Variants in PAQR5 observed in about 807,000 individuals in gnomAD.
PAQR5 encodes the protein membrane progestin receptor gamma.
A neutral mutation model predicts 34.5 loss-of-function variants in PAQR5; 20 were observed. That is an observed-to-expected ratio of 0.58 (90% CI 0.41 to 0.84). PAQR5 has a LOEUF of 0.84. Ranked by LOEUF, PAQR5 falls within the 40% of genes least tolerant of loss-of-function variation. PAQR5 has a pLI of 0.00. For synonymous variants in PAQR5, 131 were observed against 155.6 expected (o/e 0.84, Z 1.18); for missense variants, 378 against 412.7 (o/e 0.92, Z 0.73).
In PAQR5 at chr15:69,338,408, C is replaced by T. The variant is rs556200354; in HGVS notation, c.-116+907C>T. ...GAATTGTACTCCTAATTGTAGAACT[C>T]GTAATGTACCTTATAGTAGGCTGTT... is the stretch of plus-strand genomic sequence containing the variant. On this transcript the variant is annotated intron_variant, in intron 2 of 8. Coordinates refer to ENST00000395407, the MANE Select transcript of PAQR5 (RefSeq NM_017705.4). 3.9e-5 allele frequency among the ~76,000 whole-genome samples: 6 copies of T among 152,292 alleles called. No individual in the cohort carries two copies. The South Asian group carries it at 1.0e-3, about 26-fold the overall frequency.
chr15:69,364,130 G>A (rs1297315909), intron 3 of PAQR5, among the ~76,000 whole-genome samples: 1 of 152,082 alleles, frequency 6.6e-6, no homozygotes, highest in African/African-American at 2.4e-5. Flanking sequence ...AAATGAAATA[G>A]AACAGTGGGA....
intron 5 of PAQR5, among the ~76,000 whole-genome samples, chr15:69,388,299 T>C (rs1200391967): frequency 1.3e-5 from 2 of 152,220 alleles, no homozygotes; most frequent in African/African-American, 4.8e-5. Flanking sequence ...AGAGGAAGTT[T>C]CCTTTCCTTA....
chr15:69,361,383 T>C (rs973392508), intron 3 of PAQR5, among the ~76,000 whole-genome samples: 1 of 152,318 alleles, frequency 6.6e-6, no homozygotes, highest in South Asian at 2.1e-4. Flanking sequence ...AATTCTTTTC[T>C]AAAGTGGGTT....
chr15:69,361,843 T>G (rs1295770424), intron 3 of PAQR5, among the ~76,000 whole-genome samples: 1 of 151,700 alleles, frequency 6.6e-6, no homozygotes, highest in Non-Finnish European at 1.5e-5. Context: ...GAAGGCTTCA[T>G]GAAGGGGGTG....
rs192237043 is a variant in PAQR5 at position 69,322,724 on chromosome 15, A to G, written c.-276-14617A>G. On this transcript the variant is annotated intron_variant, in intron 1 of 8. Transcript: ENST00000395407. ...AAGAAGAAGAAGAAGAAGAAGAAGA[A>G]GAAGAAGAAGAAGAAGAAGAAGAAG... Among the ~76,000 whole-genome samples the G allele has an allele frequency of 2.2e-3, 54 of 24,668 alleles. 6 individuals are homozygous for G. Among genetic ancestry groups the G allele is most frequent in the South Asian group, 6.1e-3 (3 of 494 alleles). The allele number at this position is 24,668 out of a possible 152,430, so 16.2% of individuals were successfully genotyped here. A position where few individuals can be genotyped will look rare whatever the true frequency, so the allele number is the denominator to read the frequency against.
intron 1 of PAQR5, among the ~76,000 whole-genome samples, chr15:69,303,464 T>G (rs2053648407): frequency 6.6e-6 from 1 of 152,056 alleles, no homozygotes; most frequent in African/African-American, 2.4e-5. Context: ...CTCCCAGGGT[T>G]GCTCTCCCAA....
chr15:69,310,074 AAACAAC>A (rs770100165), intron 1 of PAQR5, among the ~76,000 whole-genome samples: 2 of 151,904 alleles, frequency 1.3e-5, no homozygotes, highest in African/African-American at 2.4e-5. Context: ...AAACAAAACG[AAACAAC>A]AACAACAACA....
In PAQR5 at chr15:69,364,479, A is replaced by AAT. The variant is rs1491582677; in HGVS notation, c.51+4356_51+4357dup. On this transcript the variant is annotated intron_variant, in intron 3 of 8. Coordinates refer to ENST00000395407, the MANE Select transcript of PAQR5 (RefSeq NM_017705.4). ...TACATGTAATATATATTATATATGT[A>AAT]ATATATATACATTATATATGTTATA... Among the ~76,000 whole-genome samples the AAT allele has an allele frequency of 7.0e-4, 93 of 132,118 alleles. 2 individuals are homozygous for AAT. The South Asian group carries it at 0.02, about 28-fold the overall frequency. The allele number at this position is 132,118 out of a possible 152,430, so 86.7% of individuals were successfully genotyped here.
chr15:69,360,195 TG>T (rs1314537303), intron 3 of PAQR5, 64 bp downstream of exon 3: 6 of 1,254,790 alleles, frequency 4.8e-6, no homozygotes, highest in African/African-American at 4.4e-5. Context: ...GCCTCCGCAA[TG>T]GGGGGCTGTT....
rs902933147 is a variant in PAQR5 at position 69,300,594 on chromosome 15, T to C, written c.-277+1538T>C. Among the ~76,000 whole-genome samples the C allele has an allele frequency of 1.5e-3, 20 of 13,250 alleles. 1 individual carries two copies. Among genetic ancestry groups the C allele is most frequent in the Non-Finnish European group, 1.2e-3 (6 of 5,040 alleles). The allele number at this position is 13,250 out of a possible 152,430, so 8.7% of individuals were successfully genotyped here. On this transcript the variant is annotated intron_variant, in intron 1 of 8. Transcript: ENST00000395407. ...TTCTCTTTCTTTCTTTCTTTCCTTCTTTCTTTCTTTCTTTCTTTCTTTCTT... is the reference window on the plus strand; with the variant it reads ...TTCTCTTTCTTTCTTTCTTTCCTTCCTTCTTTCTTTCTTTCTTTCTTTCTT...
At chr15:69,400,305 A>G (rs1444817118) in intron 8 of PAQR5, among the ~76,000 whole-genome samples, 190 bp downstream of exon 8, 1 of 152,224 alleles carries the variant, frequency 6.6e-6, no homozygotes, top group Non-Finnish European at 1.5e-5. Context: ...CATGGGCAGG[A>G]TGGAGGGCAG....
chr15:69,300,146 C>A (rs949972910), intron 1 of PAQR5, among the ~76,000 whole-genome samples: 2 of 152,044 alleles, frequency 1.3e-5, no homozygotes, highest in African/African-American at 4.8e-5. Context: ...TTACCCCACT[C>A]CCCACCCCCC....
chr15:69,399,607 A>G (rs1470277146), intron 7 of PAQR5, among the ~76,000 whole-genome samples: 1 of 152,156 alleles, frequency 6.6e-6, no homozygotes. Context: ...AAGAATACCA[A>G]TTATCTAATA....
chr15:69,320,496 C>T (rs10518813), intron 1 of PAQR5, among the ~76,000 whole-genome samples: 6,657 of 152,206 alleles, frequency 0.044, 265 homozygotes, highest in East Asian at 0.15. Context: ...TTATTGCATG[C>T]TCGGGTAAGA....
chr15:69,350,225 C>A (rs1027058571), intron 2 of PAQR5, among the ~76,000 whole-genome samples: 6 of 152,210 alleles, frequency 3.9e-5, no homozygotes, highest in African/African-American at 1.2e-4. Context: ...CAATCAGAAT[C>A]GTCTGTCTCG....
intron 6 of PAQR5, among the ~76,000 whole-genome samples, chr15:69,394,940 G>A (rs576616352): frequency 6.6e-6 from 1 of 152,324 alleles, no homozygotes; most frequent in Non-Finnish European, 1.5e-5. Flanking sequence ...CAGCTGGAGA[G>A]GCTGGTCCGT....
chr15:69,400,093 C>T lies in PAQR5; in HGVS notation c.729C>T (p.Ala243=). Reference sequence around the variant, plus strand: ...CTGCACATCTGCCAGAACGCCTAGCCCCTGGACGCTTTGACTACATCGGTG... The same window carrying T: ...CTGCACATCTGCCAGAACGCCTAGCTCCTGGACGCTTTGACTACATCGGTG... ...LYSAHLPERL[A]PGRFDYIGHS... The change falls in exon 8 of 9, where the codon GCC becomes GCT. Residue 243 remains alanine, a synonymous_variant. Coordinates refer to ENST00000395407, the MANE Select transcript of PAQR5 (RefSeq NM_017705.4). 2 of 1,613,848 alleles carry T rather than the reference C, an allele frequency of 1.2e-6. No individual in the cohort carries two copies. The highest frequency in any genetic ancestry group is 1.7e-6 in the Non-Finnish European group (2 of 1,179,876).
intron 1 of PAQR5, among the ~76,000 whole-genome samples, chr15:69,319,581 CA>C (rs1245590789): frequency 2.0e-5 from 3 of 152,164 alleles, no homozygotes; most frequent in Non-Finnish European, 4.4e-5. Context: ...TGGGTTCTGA[CA>C]AGCCAGGTTT....
intron 6 of PAQR5, among the ~76,000 whole-genome samples, chr15:69,393,815 C>A (rs888551569): frequency 1.3e-5 from 2 of 152,242 alleles, no homozygotes; most frequent in Admixed American, 6.5e-5. Context: ...ACATAGAGAG[C>A]TTTGTCGTCC....
Sources: allele counts gnomAD v4.1 joint callset (sites outside exome capture counted in the v4.1 genomes callset), GRCh38; gene constraint gnomAD v4.1.1; transcripts MANE v1.5; gene names NCBI Gene and HGNC (gene_info 2026-07-23, HGNC 2026-07-21).